GAP43: variants seen among roughly 807,000 people sequenced by gnomAD.
GAP43 encodes the protein growth associated protein 43.
In GAP43, 6 loss-of-function variants were observed where a neutral mutation model predicts 18.6. The ratio of observed to expected loss-of-function variants is 0.32; its 90% CI spans 0.18 to 0.64. The LOEUF (loss-of-function observed/expected upper bound fraction) is 0.64, where lower values mean the gene tolerates loss of function less well. GAP43 is among the 30% of genes least tolerant of loss of function. The pLI is 0.78. For missense variants in GAP43, 292 were observed against 295.5 expected (o/e 0.99, Z 0.09); for synonymous variants, 115 against 111.4 (o/e 1.03, Z -0.20).
At chr3:115,646,742 A>T (rs1245587019) in intron 1 of GAP43, among the ~76,000 whole-genome samples, 1 of 151,954 alleles carries the variant, frequency 6.6e-6, no homozygotes, top group Non-Finnish European at 1.5e-5. Context: ...ATTAGAATGG[A>T]CCCCAACCAC....
chr3:115,644,824 A>C lies in GAP43; in HGVS notation c.30+21105A>C, dbSNP rs149151315. 0.014 allele frequency among the ~76,000 whole-genome samples: 2,104 copies of C among 152,160 alleles called. 21 individuals carry two copies. The highest frequency in any genetic ancestry group is 0.021 in the Non-Finnish European group (1,429 of 67,960). ...GGTTCTGTGCTTATAACCTGATCTC[A>C]AATCAAAACCCAATGCCCCTGGCAT... On this transcript the variant is annotated intron_variant, in intron 1 of 2. Transcript: ENST00000305124. This position sits in a 1 kb window ranked among gnomAD's most constrained non-coding sequence, Gnocchi z 4.2.
rs988211452 is a variant in GAP43, at chr3:115,663,494, T to C, written c.31-12519T>C. The stretch of plus-strand genomic sequence containing the variant: ...TCTCCCAGTATTGCTTTCCCTGCTC[T>C]CTGATATTTTTCTCTTTTGCTTTCA... On this transcript the variant is annotated intron_variant, in intron 1 of 2. Transcript: ENST00000305124. The C allele has an allele frequency of 9.4e-6, 11 of 1,168,478 alleles. No individual in the cohort carries two copies. The African/African-American group carries it at 1.4e-4, about 15-fold the overall frequency. 72.4% of individuals were successfully genotyped at this position (1,168,478 alleles called of 1,614,324 possible).
intron 1 of GAP43, among the ~76,000 whole-genome samples, chr3:115,636,561 A>G (rs1228057349): frequency 6.6e-6 from 1 of 152,098 alleles, no homozygotes; most frequent in Non-Finnish European, 1.5e-5. Flanking sequence ...ACTCATTTTC[A>G]TGTTCTGTGT....
intron 2 of GAP43, among the ~76,000 whole-genome samples, chr3:115,697,521 G>A (rs1442118658): frequency 6.6e-6 from 1 of 152,204 alleles, no homozygotes; most frequent in East Asian, 1.9e-4. Context: ...GGTTGTGTCT[G>A]TGGCATCAGG....
chr3:115,656,436 G>A (rs1187223437), intron 1 of GAP43, among the ~76,000 whole-genome samples: 1 of 152,022 alleles, frequency 6.6e-6, no homozygotes, highest in Non-Finnish European at 1.5e-5. Flanking sequence ...TTTATACTAG[G>A]CTCCCTCGAC....
intron 1 of GAP43, among the ~76,000 whole-genome samples, chr3:115,669,208 C>T (rs562815092): frequency 4.6e-5 from 7 of 152,096 alleles, no homozygotes; most frequent in South Asian, 4.2e-4. Context: ...TGATCAATGG[C>T]GTTTCTATAG....
chr3:115,627,627 G>A (rs973491528), intron 1 of GAP43, among the ~76,000 whole-genome samples: 2 of 152,124 alleles, frequency 1.3e-5, no homozygotes, highest in African/African-American at 4.8e-5. Context: ...GATAAAGTAA[G>A]ACAAGTCTTC....
intron 1 of GAP43, among the ~76,000 whole-genome samples, chr3:115,650,922 G>C (rs1708512742): frequency 6.6e-6 from 1 of 151,840 alleles, no homozygotes; most frequent in African/African-American, 2.4e-5. Flanking sequence ...TTGAGCCCAG[G>C]AGTTCCATAC....
At chr3:115,711,286 A>T (rs879849371) in intron 2 of GAP43, among the ~76,000 whole-genome samples, 7 of 152,180 alleles carry the variant, frequency 4.6e-5, no homozygotes, top group Admixed American at 4.6e-4. Flanking sequence ...GGAGAATAAA[A>T]TAGTCCTTAT....
In GAP43 at chr3:115,661,831, C is replaced by CTTTTTTTTTTTTTTTTTT. The variant is rs56209932; in HGVS notation, c.31-14168_31-14167insTTTTTTTTTTTTTTTTTT. Among the ~76,000 whole-genome samples the CTTTTTTTTTTTTTTTTTT allele has an allele frequency of 3.8e-5, 4 of 105,970 alleles. 1 individual carries two copies. Among genetic ancestry groups the CTTTTTTTTTTTTTTTTTT allele is most frequent in the African/African-American group, 1.2e-4 (3 of 24,548 alleles). The allele number at this position is 105,970 out of a possible 152,430, so 69.5% of individuals were successfully genotyped here. ...AGTTTGGCTTGGGGAGAAACTAGGG[C>CTTTTTTTTTTTTTTTTTT]TTTTTTTTTTTTTTACCTGGGAGCT... On this transcript the variant is annotated intron_variant, in intron 1 of 2. Transcript: ENST00000305124.
At chr3:115,634,425 G>C (rs1708303792) in intron 1 of GAP43, among the ~76,000 whole-genome samples, 1 of 151,936 alleles carries the variant, frequency 6.6e-6, no homozygotes, top group Admixed American at 6.6e-5. Flanking sequence ...TTATTCTACA[G>C]GTCTACACAA....
At chr3:115,668,076 A>T (rs1289371645) in intron 1 of GAP43, among the ~76,000 whole-genome samples, 1 of 152,172 alleles carries the variant, frequency 6.6e-6, no homozygotes, top group Non-Finnish European at 1.5e-5. Flanking sequence ...GCTTCCTCCC[A>T]GGGCTGACTT....
intron 1 of GAP43, among the ~76,000 whole-genome samples, chr3:115,667,196 A>G (rs1338369563): frequency 6.6e-6 from 1 of 152,228 alleles, no homozygotes; most frequent in Non-Finnish European, 1.5e-5. Context: ...TTGTAAAAAA[A>G]CAGATAAAGT....
intron 1 of GAP43, among the ~76,000 whole-genome samples, chr3:115,661,812 G>A (rs964098816): frequency 8.8e-6 from 1 of 113,912 alleles, no homozygotes; most frequent in East Asian, 2.7e-4. Flanking sequence ...CGCAAGTTTG[G>A]CTTGGGGAGA....
chr3:115,703,416 T>C (rs1219720544), intron 2 of GAP43, among the ~76,000 whole-genome samples: 1 of 152,022 alleles, frequency 6.6e-6, no homozygotes, highest in East Asian at 1.9e-4. Context: ...CATAGAAACT[T>C]AGAGGGAGTA....
intron 2 of GAP43, among the ~76,000 whole-genome samples, chr3:115,701,456 T>A (rs1243168740): frequency 2.0e-5 from 3 of 151,970 alleles, no homozygotes; most frequent in Non-Finnish European, 4.4e-5. Flanking sequence ...CACCAATAAT[T>A]GGTTTCTTAC....
chr3:115,676,678 C>A, intron 2 of GAP43, 68 bp downstream of exon 2: 1 of 1,416,370 alleles, frequency 7.1e-7, no homozygotes, highest in Non-Finnish European at 9.3e-7. Context: ...GAAGACCAGG[C>A]CACCTGGGTC....
chr3:115,695,218 C>G (rs542747884), intron 2 of GAP43, among the ~76,000 whole-genome samples: 5 of 152,252 alleles, frequency 3.3e-5, no homozygotes, highest in Non-Finnish European at 7.4e-5. Context: ...TTAGACTATG[C>G]TTTTTAAAAC....
intron 1 of GAP43, among the ~76,000 whole-genome samples, chr3:115,637,134 G>A (rs1435827479): frequency 6.6e-6 from 1 of 152,002 alleles, no homozygotes; most frequent in Non-Finnish European, 1.5e-5. Flanking sequence ...TCCATGACCT[G>A]TTTTGCCTCT....
Sources: gnomAD v4.1 joint callset for allele counts (sites outside exome capture counted in the v4.1 genomes callset) on GRCh38, gnomAD v4.1.1 for gene constraint, Gnocchi (gnomAD v3.1) non-coding constraint, MANE v1.5 for transcripts, NCBI Gene and HGNC (gene_info 2026-07-23, HGNC 2026-07-21) for gene names.